Variants in DHDDS observed in about 807,000 individuals in gnomAD.
DHDDS encodes dehydrodolichyl diphosphate synthase complex subunit DHDDS.
Under a neutral mutation model 46.2 loss-of-function variants are expected in DHDDS, and 16 were observed. The observed-to-expected ratio is 0.35, with a 90% CI of 0.23 to 0.53. The LOEUF (loss-of-function observed/expected upper bound fraction) is 0.53. DHDDS is among the 20% of genes least tolerant of loss of function. The pLI, the probability that DHDDS is intolerant of heterozygous loss-of-function variation, is 0.94. For missense variants in DHDDS, 340 were observed against 423.7 expected (o/e 0.80, Z 1.73); for synonymous variants, 151 against 163.1 (o/e 0.93, Z 0.56).
At chr1:26,442,936 G>C (rs1355994670) in intron 4 of DHDDS, 63 bp downstream of exon 4, 1 of 1,611,556 alleles carries the variant, frequency 6.2e-7, no homozygotes, top group African/African-American at 1.3e-5. Context: ...CCTAACCCTT[G>C]AAATTCTGTT....
At position 26,450,659 on chromosome 1, in the gene DHDDS, T is replaced by C. The variant is rs372213735; in HGVS notation, c.542+2999T>C. On this transcript the variant is annotated intron_variant, in intron 6 of 8. Transcript: ENST00000236342. ...AGGGGTAGGGCACCCATGGAAACAA[T>C]GGTGTCAAATGCTGTAGAGAGGTCA... Among the ~76,000 whole-genome samples the C allele has an allele frequency of 3.9e-4, 59 of 152,182 alleles. 1 individual carries two copies. The South Asian group carries it at 0.012, about 32-fold the overall frequency.
chr1:26,455,563 A>G (rs1185277154), intron 6 of DHDDS, among the ~76,000 whole-genome samples: 3 of 152,148 alleles, frequency 2.0e-5, no homozygotes, highest in Non-Finnish European at 2.9e-5. Context: ...CCTGGCCAAC[A>G]TGGTAAAACC....
intron 6 of DHDDS, chr1:26,455,200 C>G (rs2075359464): frequency 2.7e-6 from 2 of 732,786 alleles, no homozygotes; most frequent in African/African-American, 3.4e-5. Context: ...TCACAGATTA[C>G]CTCAGGCCGC....
At chr1:26,468,811 G>GCCCCCCCCCCACCCCCCACCAC in intron 8 of DHDDS, 84 bp from the exon 9 acceptor site, 1 of 637,986 alleles carries the variant, frequency 1.6e-6, no homozygotes, top group East Asian at 4.0e-5. Context: ...CCCACCCTGT[G>GCCCCCCCCCCACCCCCCACCAC]CCCCACCCCC....
Position 26,447,673 on chromosome 1 carries a change from G to GT in DHDDS, c.542+17dup. ...TGTTGGATCCCAGGTATCCCGAGTT[G>GT]TTTTGCATGGTAATTGTTAAGGAAA... On this transcript the variant is annotated intron_variant, in intron 6 of 8. Coordinates refer to ENST00000236342, the MANE Select transcript of DHDDS (RefSeq NM_205861.3). The GT allele has an allele frequency of 6.2e-7, 1 of 1,608,912 alleles. No homozygotes were observed. The highest frequency in any genetic ancestry group is 8.5e-7 in the Non-Finnish European group (1 of 1,175,340).
Position 26,448,086 on chromosome 1 carries a change from G to A in DHDDS, c.542+426G>A, listed in dbSNP as rs945273486. 1.7e-5 allele frequency: 5 copies of A among 290,520 alleles called. No homozygotes were observed. The East Asian group carries it at 2.5e-4, about 14-fold the overall frequency. The allele number at this position is 290,520 out of a possible 1,614,324, so 18.0% of individuals were successfully genotyped here. The stretch of plus-strand genomic sequence containing the variant: ...CAAATTATACCCTCCTGGCCCTTTG[G>A]TAGTGTTTTTCCAAGAATGACTTTT... On this transcript the variant is annotated intron_variant, in intron 6 of 8. Coordinates refer to ENST00000236342, the MANE Select transcript of DHDDS (RefSeq NM_205861.3).
intron 3 of DHDDS, among the ~76,000 whole-genome samples, chr1:26,440,143 A>T (rs918121474): frequency 2.0e-4 from 30 of 152,350 alleles, no homozygotes; most frequent in Admixed American, 5.9e-4. Flanking sequence ...CGTCTCAAAA[A>T]AAATAAATAA....
Position 26,470,898 on chromosome 1 carries a change from T to C in DHDDS, c.*1767T>C, listed in dbSNP as rs2075549409. ...GCAAACGGAATCTGCCCTATGAGCG[T>C]GGCTGTTGAGTCCTGTCTCCTGGGT... is the stretch of plus-strand genomic sequence containing the variant. On this transcript the variant is annotated 3_prime_UTR_variant, in exon 9 of 9. Transcript: ENST00000236342. 6.5e-6 allele frequency: 1 copy of C among 152,750 alleles called. No individual in the cohort carries two copies. The highest frequency in any genetic ancestry group is 6.5e-5 in the Admixed American group (1 of 15,288). 9.5% of individuals were successfully genotyped at this position (152,750 alleles called of 1,614,324 possible). A position where few individuals can be genotyped will look rare whatever the true frequency, so the allele number is the denominator to read the frequency against.
intron 8 of DHDDS, among the ~76,000 whole-genome samples, chr1:26,462,109 G>A (rs919698184): frequency 8.7e-5 from 13 of 150,264 alleles, no homozygotes; most frequent in South Asian, 2.1e-4. Flanking sequence ...CCAGGCTGGA[G>A]TGCAGTTGTG....
chr1:26,432,974 C>G lies in DHDDS; in HGVS notation c.29C>G (p.Ser10Ter), dbSNP rs1477363877. The G allele has an allele frequency of 6.2e-7, 1 of 1,614,204 alleles. No homozygotes were observed. Among genetic ancestry groups the G allele is most frequent in the Non-Finnish European group, 8.5e-7 (1 of 1,180,032 alleles). ...TCATGGATCAAGGAAGGAGAGCTGT[C>G]ACTTTGGGAGCGGTTCTGTGCCAAC... MSWIKEGEL[S>*]LWERFCANII... Residue 10 changes from serine to a stop codon, truncating the protein, a stop_gained, in exon 2 of 9, where the codon TCA (serine) becomes TGA (stop). Transcript: ENST00000236342. LOFTEE classifies it high-confidence loss of function.
chr1:26,457,987 C>T, intron 7 of DHDDS, 82 bp downstream of exon 7: 4 of 1,238,688 alleles, frequency 3.2e-6, no homozygotes, highest in Non-Finnish European at 4.7e-6. Context: ...TGGTCCATCC[C>T]CACTCCCAAA....
intron 3 of DHDDS, 46 bp downstream of exon 3, chr1:26,438,330 TAG>T: frequency 3.9e-6 from 6 of 1,547,862 alleles, no homozygotes; most frequent in Admixed American, 1.7e-5. Flanking sequence ...TGTGGAGAGG[TAG>T]ATTATAGCTA....
chr1:26,461,216 C>T (rs933976946), intron 8 of DHDDS, among the ~76,000 whole-genome samples: 5 of 152,042 alleles, frequency 3.3e-5, no homozygotes, highest in African/African-American at 7.2e-5. Flanking sequence ...GAGATAATGC[C>T]AGGAGGAAAT....
rs576315586 is a variant in DHDDS, at chr1:26,433,675, CAAAAAAAAAA to C, written c.63+677_63+686del. Among the ~76,000 whole-genome samples, 5 of 94,700 alleles carry C rather than the reference CAAAAAAAAAA, an allele frequency of 5.3e-5. No individual in the cohort carries two copies. The South Asian group carries it at 1.5e-3, about 28-fold the overall frequency. 62.1% of individuals were successfully genotyped at this position (94,700 alleles called of 152,430 possible). A position where few individuals can be genotyped will look rare whatever the true frequency, so the allele number is the denominator to read the frequency against. ...AAGAGTTCAGAACAAGACTCTGTCT[CAAAAAAAAAA>C]AAAAAAAAAGAGTTTGGGCTCTAGA... On this transcript the variant is annotated intron_variant, in intron 2 of 8. Transcript: ENST00000236342.
chr1:26,439,834 G>C (rs1382677794), intron 3 of DHDDS, among the ~76,000 whole-genome samples: 1 of 152,136 alleles, frequency 6.6e-6, no homozygotes, highest in East Asian at 1.9e-4. Context: ...TGACAATCTT[G>C]GTGAAATTTT....
chr1:26,461,827 T>C (rs2075425493), intron 8 of DHDDS, among the ~76,000 whole-genome samples: 1 of 151,702 alleles, frequency 6.6e-6, no homozygotes, highest in Non-Finnish European at 1.5e-5. Flanking sequence ...ATGAGGAAAT[T>C]AAAAGAAGTT....
chr1:26,464,942 GC>G (rs1278277198), intron 8 of DHDDS, among the ~76,000 whole-genome samples: 1 of 152,198 alleles, frequency 6.6e-6, no homozygotes, highest in Non-Finnish European at 1.5e-5. Flanking sequence ...GTTGTGGGGA[GC>G]CAGACCTTGG....
intron 3 of DHDDS, among the ~76,000 whole-genome samples, chr1:26,440,813 G>C (rs1458656050): frequency 6.6e-6 from 1 of 152,084 alleles, no homozygotes; most frequent in Non-Finnish European, 1.5e-5. Flanking sequence ...GTCTTCTGTT[G>C]TCTACGTTTA....
chr1:26,454,771 G>C (rs1278138108), intron 6 of DHDDS: 1 of 1,586,186 alleles, frequency 6.3e-7, no homozygotes, highest in Non-Finnish European at 8.5e-7. Flanking sequence ...GAGAGCTCAT[G>C]GATGGGTTAA....
Sources: gnomAD v4.1 joint callset for allele counts (sites outside exome capture counted in the v4.1 genomes callset) on GRCh38, gnomAD v4.1.1 for gene constraint, MANE v1.5 for transcripts, NCBI Gene and HGNC (gene_info 2026-07-23, HGNC 2026-07-21) for gene names.